DAGLA: variants seen among roughly 807,000 people sequenced by gnomAD.
The protein encoded by DAGLA is diacylglycerol lipase-alpha.
A neutral mutation model predicts 102.6 loss-of-function variants in DAGLA; 22 were observed. The ratio of observed to expected loss-of-function variants is 0.21; its 90% confidence interval spans 0.15 to 0.31. The LOEUF is 0.31. Among genes scored for constraint, DAGLA ranks in the 10% least tolerant of loss-of-function variants. The pLI, the probability that DAGLA is intolerant of heterozygous loss-of-function variation, is 1.00. For synonymous variants in DAGLA, 578 were observed against 628.9 expected (o/e 0.92, Z 1.21); for missense variants, 927 against 1,446.6 (o/e 0.64, Z 5.83).
rs1407789636 is a variant in DAGLA, at chr11:61,684,362, C to A, written c.-45+3858C>A. Reference sequence around the variant, plus strand: ...AGGACATTGCAGGATGCGGTTACCTCCCCAGCGGATAGGGCTGAAAATGGT... The same window carrying A: ...AGGACATTGCAGGATGCGGTTACCTACCCAGCGGATAGGGCTGAAAATGGT... On this transcript the variant is annotated intron_variant, in intron 1 of 19. Coordinates refer to ENST00000257215, the MANE Select transcript of DAGLA (RefSeq NM_006133.3). The surrounding 1 kb of genome is among the most constrained non-coding windows in gnomAD (Gnocchi z 4.5). 6.6e-6 allele frequency among the ~76,000 whole-genome samples: 1 copy of A among 152,226 alleles called. No individual in the cohort carries two copies. Among genetic ancestry groups the A allele is most frequent in the African/African-American group, 2.4e-5 (1 of 41,446 alleles).
At chr11:61,735,709 G>T (rs750122634) in intron 11 of DAGLA, 30 bp from the exon 12 acceptor site, 6 of 1,612,114 alleles carry the variant, frequency 3.7e-6, no homozygotes, top group Non-Finnish European at 5.1e-6. Context: ...CTCTTTAGCC[G>T]CCCCCTCACC....
chr11:61,734,841 C>G lies in DAGLA; in HGVS notation c.975-8C>G. 1 of 1,609,700 alleles carries G rather than the reference C, an allele frequency of 6.2e-7. No homozygotes were observed. Among genetic ancestry groups the G allele is most frequent in the Non-Finnish European group, 8.5e-7 (1 of 1,176,562 alleles). On this transcript the variant is annotated splice_polypyrimidine_tract_variant and splice_region_variant and intron_variant, in intron 9 of 19. Transcript: ENST00000257215. This position sits in a 1 kb window ranked among gnomAD's most constrained non-coding sequence, Gnocchi z 4.2. ...CTGGCCCTGAACTCTCTTGTCACCCCACCCTAGGTGTTGCCTGTGTCCTGC... is the reference window on the plus strand; with the variant it reads ...CTGGCCCTGAACTCTCTTGTCACCCGACCCTAGGTGTTGCCTGTGTCCTGC...
At chr11:61,711,142 G>T (rs560866220) in intron 1 of DAGLA, among the ~76,000 whole-genome samples, 1 of 152,284 alleles carries the variant, frequency 6.6e-6, no homozygotes, top group Non-Finnish European at 1.5e-5. Flanking sequence ...GACCACCGGG[G>T]CAGGTAGAAA....
chr11:61,684,178 C>G lies in DAGLA; in HGVS notation c.-45+3674C>G, dbSNP rs1180981799. On this transcript the variant is annotated intron_variant, in intron 1 of 19. Transcript: ENST00000257215. The surrounding 1 kb of genome is among the most constrained non-coding windows in gnomAD (Gnocchi z 4.5). ...CCTCTCCTCGAGACCAGAGGGGAAC[C>G]TCAGTGTTTAATCACCTGTTGGCCC... Among the ~76,000 whole-genome samples, 2 of 152,234 alleles carry G rather than the reference C, an allele frequency of 1.3e-5. No homozygotes were observed. The highest frequency in any genetic ancestry group is 6.5e-5 in the Admixed American group (1 of 15,282).
chr11:61,739,415 G>T, intron 16 of DAGLA, 50 bp from the exon 17 acceptor site: 2 of 1,443,624 alleles, frequency 1.4e-6, no homozygotes, highest in Non-Finnish European at 1.9e-6. Flanking sequence ...CTGCCCCCCA[G>T]CCAGTGCTAC....
chr11:61,691,675 C>T (rs74574405), intron 1 of DAGLA, among the ~76,000 whole-genome samples: 1 of 152,240 alleles, frequency 6.6e-6, no homozygotes, highest in Admixed American at 6.5e-5. Flanking sequence ...TTGACCTCCT[C>T]GAGTCTCCAT....
At chr11:61,721,177 C>A (rs1215951841) in intron 3 of DAGLA, among the ~76,000 whole-genome samples, 3 of 152,150 alleles carry the variant, frequency 2.0e-5, no homozygotes, top group African/African-American at 7.2e-5. Flanking sequence ...AGGTGGATCA[C>A]AAGGTCAGGA....
intron 1 of DAGLA, among the ~76,000 whole-genome samples, chr11:61,682,741 G>A (rs762195092): frequency 4.6e-5 from 7 of 151,698 alleles, no homozygotes; most frequent in African/African-American, 1.2e-4. Context: ...TCACATCAGC[G>A]TCTTTTGGGC....
At chr11:61,737,828 A>G in intron 15 of DAGLA, 73 bp downstream of exon 15, 1 of 1,022,892 alleles carries the variant, frequency 9.8e-7, no homozygotes, top group Non-Finnish European at 1.4e-6. Flanking sequence ...CCCCACCCCC[A>G]GCCCCCGCAT....
chr11:61,737,789 C>T lies in DAGLA; in HGVS notation c.1583+34C>T, dbSNP rs1336030438. 5.7e-6 allele frequency: 9 copies of T among 1,587,054 alleles called. No individual in the cohort carries two copies. In the African/African-American group the frequency reaches 1.2e-4, roughly 21 times the overall value. ...TTGGCCCCGCTCCATGGTCCCTTGCCAGGCTGTTCCTCCCTCCTCCAGGCC... is the reference window on the plus strand; with the variant it reads ...TTGGCCCCGCTCCATGGTCCCTTGCTAGGCTGTTCCTCCCTCCTCCAGGCC... On this transcript the variant is annotated intron_variant, in intron 15 of 19. Transcript: ENST00000257215.
At position 61,720,094 on chromosome 11, in the gene DAGLA, T is replaced by C; in HGVS notation, c.-44-18T>C. The C allele has an allele frequency of 6.4e-7, 1 of 1,563,644 alleles. No homozygotes were observed. The highest frequency in any genetic ancestry group is 8.7e-7 in the Non-Finnish European group (1 of 1,143,794). On this transcript the variant is annotated intron_variant, in intron 1 of 19. Coordinates refer to ENST00000257215, the MANE Select transcript of DAGLA (RefSeq NM_006133.3). ...TTCACCTCCTCAGGCAGCTATAAGG[T>C]CCTCTGCTTTCTTTCAGGAGGTGAG...
At chr11:61,742,048 G>T (rs1237210105) in intron 19 of DAGLA, among the ~76,000 whole-genome samples, 2 of 152,178 alleles carry the variant, frequency 1.3e-5, no homozygotes, top group Non-Finnish European at 2.9e-5. Context: ...CTACAGACAT[G>T]CACATGTACA....
intron 1 of DAGLA, among the ~76,000 whole-genome samples, chr11:61,705,270 G>T (rs2065140096): frequency 6.6e-6 from 1 of 152,200 alleles, no homozygotes; most frequent in Admixed American, 6.5e-5. Context: ...TGCCCTGTCT[G>T]TCCCCATTTT....
intron 1 of DAGLA, among the ~76,000 whole-genome samples, chr11:61,714,602 G>A (rs2065221085): frequency 6.6e-6 from 1 of 152,260 alleles, no homozygotes; most frequent in South Asian, 2.1e-4. Flanking sequence ...GGGAGTTTGA[G>A]TGGGGTATGT....
intron 1 of DAGLA, among the ~76,000 whole-genome samples, chr11:61,687,012 G>T (rs1392765885): frequency 6.6e-6 from 1 of 152,132 alleles, no homozygotes; most frequent in African/African-American, 2.4e-5. Context: ...AGGAGGCTTT[G>T]CTCAGCCACA....
At chr11:61,727,717 A>T (rs558221048) in intron 6 of DAGLA, among the ~76,000 whole-genome samples, 1 of 152,308 alleles carries the variant, frequency 6.6e-6, no homozygotes, top group Admixed American at 6.5e-5. Flanking sequence ...AGGCCTTACG[A>T]GGGACTTCCA....
chr11:61,706,629 C>T (rs1274827355), intron 1 of DAGLA, among the ~76,000 whole-genome samples: 1 of 152,210 alleles, frequency 6.6e-6, no homozygotes, highest in Non-Finnish European at 1.5e-5. Context: ...CATCCAGAGA[C>T]AGGAGTGGTA....
chr11:61,728,465 G>A (rs1202887552), intron 7 of DAGLA, among the ~76,000 whole-genome samples, 178 bp downstream of exon 7: 1 of 152,196 alleles, frequency 6.6e-6, no homozygotes, highest in Non-Finnish European at 1.5e-5. Flanking sequence ...TCCTGAGCTT[G>A]TCCTTCGGCC....
At chr11:61,710,170 C>T (rs772572579) in intron 1 of DAGLA, among the ~76,000 whole-genome samples, 9 of 152,140 alleles carry the variant, frequency 5.9e-5, no homozygotes, top group Non-Finnish European at 4.4e-5. Flanking sequence ...AGTCTCCTCT[C>T]AAGGAAGTTC....
Sources: allele counts gnomAD v4.1 joint callset (sites outside exome capture counted in the v4.1 genomes callset), GRCh38; gene constraint gnomAD v4.1.1; non-coding constraint Gnocchi (gnomAD v3.1); transcripts MANE v1.5; gene names NCBI Gene and HGNC (gene_info 2026-07-23, HGNC 2026-07-21).